The following MAML3 variants were observed in gnomAD, a reference collection of about 807,000 sequenced individuals.
The protein encoded by MAML3 is mastermind like transcriptional coactivator 3.
MAML3 carries 27 observed loss-of-function variants against 101.9 expected under a neutral mutation model. The observed-to-expected ratio is 0.27, with a 90% CI of 0.20 to 0.37. MAML3 has a LOEUF of 0.37. Ranked by LOEUF, MAML3 falls within the 10% of genes least tolerant of loss-of-function variation. MAML3 has a pLI of 1.00. For missense variants in MAML3, 1,316 were observed against 1,444.9 expected (o/e 0.91, Z 1.45); for synonymous variants, 501 against 555.9 (o/e 0.90, Z 1.39).
chr4:139,771,390 C>T (rs1729977600), intron 2 of MAML3, among the ~76,000 whole-genome samples: 1 of 152,206 alleles, frequency 6.6e-6, no homozygotes, highest in Admixed American at 6.5e-5. Context: ...CCTTAAATGA[C>T]TCAATGCATA....
At chr4:139,990,707 A>G (rs1734652590) in intron 1 of MAML3, among the ~76,000 whole-genome samples, 1 of 152,088 alleles carries the variant, frequency 6.6e-6, no homozygotes, top group African/African-American at 2.4e-5. Context: ...GCAAAGTCTC[A>G]GGATACAAAA....
chr4:140,060,386 G>A (rs1192293440), intron 1 of MAML3, among the ~76,000 whole-genome samples: 389 of 16,372 alleles, frequency 0.024, 1 homozygote, highest in Non-Finnish European at 0.037. Flanking sequence ...AAAAAAAAAA[G>A]TCACAAGCCT....
At chr4:139,999,430 C>T (rs1734880561) in intron 1 of MAML3, among the ~76,000 whole-genome samples, 1 of 152,242 alleles carries the variant, frequency 6.6e-6, no homozygotes, top group African/African-American at 2.4e-5. Flanking sequence ...CACAGATTCC[C>T]ACTGTTCTAA....
At chr4:139,940,047 A>C (rs1276176545) in intron 1 of MAML3, among the ~76,000 whole-genome samples, 1 of 152,166 alleles carries the variant, frequency 6.6e-6, no homozygotes, top group Admixed American at 6.5e-5. Flanking sequence ...TACAGGAATG[A>C]GCCACCGCGT....
intron 1 of MAML3, among the ~76,000 whole-genome samples, chr4:139,962,968 A>G (rs1734049108): frequency 6.6e-6 from 1 of 152,178 alleles, no homozygotes. Flanking sequence ...AATCATGAAT[A>G]AAACTGATTT....
At chr4:140,103,831 G>A (rs1304028761) in intron 1 of MAML3, among the ~76,000 whole-genome samples, 1 of 152,142 alleles carries the variant, frequency 6.6e-6, no homozygotes, top group Non-Finnish European at 1.5e-5. Flanking sequence ...CTAAGCCTAA[G>A]ACACTGCTAA....
In MAML3 at chr4:139,946,889, CCACA is replaced by C. The variant is rs544250515; in HGVS notation, c.469-55926_469-55923del. ...CCCAAATTTCTCCAGGCAGAGTAAGCCACACACACACACACACACACACACACAC... is the reference window on the plus strand; with the variant it reads ...CCCAAATTTCTCCAGGCAGAGTAAGCCACACACACACACACACACACACAC... On this transcript the variant is annotated intron_variant, in intron 1 of 4. Coordinates refer to ENST00000509479, the MANE Select transcript of MAML3 (RefSeq NM_018717.5). 1.6e-3 allele frequency among the ~76,000 whole-genome samples: 201 copies of C among 126,896 alleles called. 1 individual carries two copies. Among genetic ancestry groups the C allele is most frequent in the African/African-American group, 4.6e-3 (160 of 34,648 alleles). The allele number at this position is 126,896 out of a possible 152,430, so 83.2% of individuals were successfully genotyped here.
chr4:139,867,932 G>T (rs1345431927), intron 2 of MAML3, among the ~76,000 whole-genome samples: 2 of 152,168 alleles, frequency 1.3e-5, no homozygotes, highest in Admixed American at 1.3e-4. Context: ...CAGTGAACTG[G>T]GTCTTTGCTT....
At chr4:139,826,558 G>A (rs1259842183) in intron 2 of MAML3, among the ~76,000 whole-genome samples, 26 of 152,138 alleles carry the variant, frequency 1.7e-4, no homozygotes, top group Admixed American at 1.7e-3. Context: ...AATTGCTGAG[G>A]AATTGTCACA....
intron 2 of MAML3, among the ~76,000 whole-genome samples, chr4:139,886,462 T>C (rs892429575): frequency 1.2e-4 from 18 of 152,184 alleles, no homozygotes; most frequent in African/African-American, 4.1e-4. Flanking sequence ...ATAAATATCA[T>C]TCCTAACATT....
intron 1 of MAML3, among the ~76,000 whole-genome samples, chr4:140,092,067 T>G: frequency 1.4e-5 from 1 of 69,884 alleles, no homozygotes; most frequent in Non-Finnish European, 4.2e-5. Flanking sequence ...AAACTTTATA[T>G]ATATATACGT....
intron 2 of MAML3, among the ~76,000 whole-genome samples, chr4:139,764,669 T>C (rs1469689317): frequency 2.0e-5 from 3 of 152,214 alleles, no homozygotes; most frequent in African/African-American, 7.2e-5. Flanking sequence ...CTGTTGTTAT[T>C]GGGCATTCTA....
At chr4:139,919,044 A>G (rs1164289716) in intron 1 of MAML3, among the ~76,000 whole-genome samples, 1 of 152,232 alleles carries the variant, frequency 6.6e-6, no homozygotes, top group Non-Finnish European at 1.5e-5. Context: ...GTTAAATCCT[A>G]AAGAGAAATA....
chr4:140,073,657 G>A (rs951308116), intron 1 of MAML3, among the ~76,000 whole-genome samples: 1 of 152,270 alleles, frequency 6.6e-6, no homozygotes, highest in Admixed American at 6.5e-5. Flanking sequence ...GTGTATGTGA[G>A]TCAAGCAACA....
At chr4:140,134,066 T>C (rs1371663086) in intron 1 of MAML3, 7 of 455,634 alleles carry the variant, frequency 1.5e-5, no homozygotes, top group Non-Finnish European at 3.1e-5. Context: ...GTGACAGTTG[T>C]ATTAAAACCT....
chr4:140,135,586 A>G (rs571282608), intron 1 of MAML3, among the ~76,000 whole-genome samples: 1 of 152,376 alleles, frequency 6.6e-6, no homozygotes, highest in East Asian at 1.9e-4. Flanking sequence ...TGGGTCAGCC[A>G]CCGTACAGCA....
intron 1 of MAML3, among the ~76,000 whole-genome samples, chr4:140,075,074 C>T (rs965486408): frequency 1.9e-4 from 29 of 152,262 alleles, no homozygotes; most frequent in Admixed American, 4.6e-4. Context: ...CTTTACTGAA[C>T]GCTTATGATA....
In MAML3 at chr4:139,973,978, A is replaced by G. The variant is rs75636599; in HGVS notation, c.469-83011T>C. Reference sequence around the variant, plus strand: ...CTAAAATTCAAGCCAAATTACATACAAGTATTTTACATAGCTTTTTGCATT... The same window carrying G: ...CTAAAATTCAAGCCAAATTACATACGAGTATTTTACATAGCTTTTTGCATT... On this transcript the variant is annotated intron_variant, in intron 1 of 4. Transcript: ENST00000509479. 3.3e-3 allele frequency among the ~76,000 whole-genome samples: 510 copies of G among 152,308 alleles called. 1 individual carries two copies. Among genetic ancestry groups the G allele is most frequent in the African/African-American group, 0.012 (485 of 41,568 alleles).
At chr4:139,784,006 CACTG>C (rs1223760128) in intron 2 of MAML3, among the ~76,000 whole-genome samples, 1 of 152,166 alleles carries the variant, frequency 6.6e-6, no homozygotes, top group African/African-American at 2.4e-5. Context: ...GGAAATAGCT[CACTG>C]ACTGTGGGGG....
Sources: gnomAD v4.1 joint callset for allele counts (sites outside exome capture counted in the v4.1 genomes callset) on GRCh38, gnomAD v4.1.1 for gene constraint, MANE v1.5 for transcripts, NCBI Gene and HGNC (gene_info 2026-07-23, HGNC 2026-07-21) for gene names.